SEMA5B: variants seen among roughly 807,000 people sequenced by gnomAD.
SEMA5B encodes the protein semaphorin-5B.
A neutral mutation model predicts 135.0 loss-of-function variants in SEMA5B; 66 were observed. The ratio of observed to expected loss-of-function variants is 0.49; its 90% CI spans 0.40 to 0.60. SEMA5B has a LOEUF of 0.60. Ranked by LOEUF, SEMA5B falls within the 20% of genes least tolerant of loss-of-function variation. The pLI, the probability that SEMA5B is intolerant of heterozygous loss-of-function variation, is 0.00. For missense variants in SEMA5B, 1,501 were observed against 1,566.3 expected (o/e 0.96, Z 0.70); for synonymous variants, 690 against 639.5 (o/e 1.08, Z -1.19).
chr3:122,924,331 A>G (rs1003121699), intron 9 of SEMA5B, among the ~76,000 whole-genome samples: 4 of 151,888 alleles, frequency 2.6e-5, no homozygotes, highest in Non-Finnish European at 4.4e-5. Flanking sequence ...ACCATACCAA[A>G]CGCCTCCAGT....
At chr3:122,931,679 T>C (rs1314247716) in intron 5 of SEMA5B, among the ~76,000 whole-genome samples, 1 of 152,218 alleles carries the variant, frequency 6.6e-6, no homozygotes, top group African/African-American at 2.4e-5. Flanking sequence ...TGTTTGTCTG[T>C]TTAGAGAATC....
At chr3:122,962,325 C>T (rs1279514202) in intron 1 of SEMA5B, among the ~76,000 whole-genome samples, 4 of 152,208 alleles carry the variant, frequency 2.6e-5, no homozygotes, top group Non-Finnish European at 5.9e-5. Flanking sequence ...AAATGGATCC[C>T]GGCCAGTCAT....
chr3:122,925,064 T>C, intron 9 of SEMA5B, among the ~76,000 whole-genome samples: 1 of 152,172 alleles, frequency 6.6e-6, no homozygotes, highest in Non-Finnish European at 1.5e-5. Flanking sequence ...TTTCGATGCC[T>C]CTCCACCTAC....
chr3:122,978,222 T>C (rs1576385299), intron 1 of SEMA5B, among the ~76,000 whole-genome samples: 1 of 152,194 alleles, frequency 6.6e-6, no homozygotes, highest in African/African-American at 2.4e-5. Flanking sequence ...AGGGTGCCCT[T>C]CTCTGTCCCA....
At chr3:122,962,000 GTGGACCACAGC>G (rs1266769514) in intron 1 of SEMA5B, among the ~76,000 whole-genome samples, 1 of 152,104 alleles carries the variant, frequency 6.6e-6, no homozygotes, top group Non-Finnish European at 1.5e-5. Flanking sequence ...TGCCTCTCCC[GTGGACCACAGC>G]TGGGCAAGGT....
At chr3:122,936,175 T>C (rs1378018615) in intron 5 of SEMA5B, among the ~76,000 whole-genome samples, 1 of 152,220 alleles carries the variant, frequency 6.6e-6, no homozygotes, top group Admixed American at 6.5e-5. Context: ...AAACAAGGGC[T>C]GTCCCAGAAA....
intron 1 of SEMA5B, among the ~76,000 whole-genome samples, chr3:122,974,087 C>A (rs1229730571): frequency 2.0e-5 from 3 of 151,974 alleles, no homozygotes; most frequent in Non-Finnish European, 2.9e-5. Flanking sequence ...GGAGAGAGAG[C>A]CCAGGCACAC....
At chr3:122,952,215 C>T (rs749415220) in intron 2 of SEMA5B, among the ~76,000 whole-genome samples, 3 of 152,132 alleles carry the variant, frequency 2.0e-5, no homozygotes, top group Non-Finnish European at 2.9e-5. Flanking sequence ...TTTTTCACAC[C>T]GTCACTCACA....
At chr3:122,976,713 T>G (rs2107665583) in intron 1 of SEMA5B, among the ~76,000 whole-genome samples, 1 of 152,314 alleles carries the variant, frequency 6.6e-6, no homozygotes. Flanking sequence ...CAAAGTAAGT[T>G]GCAGACATCA....
intron 2 of SEMA5B, among the ~76,000 whole-genome samples, chr3:122,952,023 C>T (rs779987721): frequency 4.4e-4 from 67 of 152,190 alleles, no homozygotes; most frequent in Non-Finnish European, 8.5e-4. Flanking sequence ...GACCCCTTCT[C>T]CCCCCACTCC....
intron 4 of SEMA5B, 47 bp downstream of exon 4, chr3:122,943,389 C>T (rs1438521656): frequency 8.9e-6 from 12 of 1,345,172 alleles, no homozygotes; most frequent in African/African-American, 1.4e-5. Context: ...CTCTACCCAG[C>T]TCCAAGCCCC....
Position 122,961,188 on chromosome 3 carries a change from G to A in SEMA5B, c.76C>T (p.Leu26=), listed in dbSNP as rs1041276513. The change falls in exon 2 of 23, where the codon CTA becomes TTA. Residue 26 remains leucine, a synonymous_variant. Coordinates refer to ENST00000357599, the MANE Select transcript of SEMA5B (RefSeq NM_001031702.4). ...CCCCCTACTGTCCATCCACACCTTA[G>A]CTGTTGGGCTGGGGTATCAGGCGGC... The part of the protein sequence containing the change: ...PGPPDTPAQQ[L]RCGWTVGGWL... 6.2e-7 allele frequency: 1 copy of A among 1,613,844 alleles called. No homozygotes were observed. The highest frequency in any genetic ancestry group is 8.5e-7 in the Non-Finnish European group (1 of 1,179,848).
At chr3:122,926,237 G>C (rs931245554) in intron 9 of SEMA5B, among the ~76,000 whole-genome samples, 155 bp downstream of exon 9, 1 of 152,214 alleles carries the variant, frequency 6.6e-6, no homozygotes, top group Non-Finnish European at 1.5e-5. Flanking sequence ...CAGAACACGA[G>C]CTTACCGCTC....
At chr3:122,911,317 C>A in intron 21 of SEMA5B, 174 bp downstream of exon 21, 1 of 1,512,538 alleles carries the variant, frequency 6.6e-7, no homozygotes, top group Non-Finnish European at 8.9e-7. Context: ...GGCCTCCTAG[C>A]TGGGGGGGGC....
intron 4 of SEMA5B, 108 bp downstream of exon 4, chr3:122,943,328 G>T: frequency 1.4e-6 from 1 of 719,406 alleles, no homozygotes; most frequent in South Asian, 1.8e-5. Context: ...CAGAGAGGAT[G>T]GGGCCCAGCA....
In SEMA5B at chr3:122,947,200, C is replaced by T. The variant is rs545584702; in HGVS notation, c.328+1306G>A. Among the ~76,000 whole-genome samples, 11 of 152,284 alleles carry T rather than the reference C, an allele frequency of 7.2e-5. No individual in the cohort carries two copies. In the East Asian group the frequency reaches 1.9e-3, roughly 27 times the overall value. ...TCTTCAGTGACAGCCACCAGCACTCCAGGAGCCATCAGAAGTCTGAGGGTG... is the reference window on the plus strand; with the variant it reads ...TCTTCAGTGACAGCCACCAGCACTCTAGGAGCCATCAGAAGTCTGAGGGTG... On this transcript the variant is annotated intron_variant, in intron 3 of 22. Coordinates refer to ENST00000357599, the MANE Select transcript of SEMA5B (RefSeq NM_001031702.4).
At chr3:122,983,634 C>T (rs980004614) in intron 1 of SEMA5B, among the ~76,000 whole-genome samples, 3 of 134,514 alleles carry the variant, frequency 2.2e-5, no homozygotes, top group Non-Finnish European at 3.1e-5. Flanking sequence ...AGGAGAATGG[C>T]GTGAACCCGG....
chr3:122,921,929 G>A lies in SEMA5B; in HGVS notation c.1674C>T (p.Ala558=), dbSNP rs1193543536. Residue 558 remains alanine, a synonymous_variant, in exon 12 of 23, where the codon GCC becomes GCT. Transcript: ENST00000357599. Reference sequence around the variant, plus strand: ...TCCCGGCTTACCCCTGGCTGCGGTAGGCGGCGCACCTCTCCAGTGGGACCC... The same window carrying A: ...TCCCGGCTTACCCCTGGCTGCGGTAAGCGGCGCACCTCTCCAGTGGGACCC... ...VLRVPLERCA[A]YRSQGACLGA... The A allele has an allele frequency of 6.5e-7, 1 of 1,533,634 alleles. No individual in the cohort carries two copies. The highest frequency in any genetic ancestry group is 8.7e-7 in the Non-Finnish European group (1 of 1,145,254).
At chr3:123,012,959 G>A (rs1163355006) in intron 1 of SEMA5B, among the ~76,000 whole-genome samples, 1 of 152,232 alleles carries the variant, frequency 6.6e-6, no homozygotes, top group Non-Finnish European at 1.5e-5. Flanking sequence ...GAGACAGACA[G>A]AGCCTTGAGT....
Sources: gnomAD v4.1 joint callset for allele counts (sites outside exome capture counted in the v4.1 genomes callset) on GRCh38, gnomAD v4.1.1 for gene constraint, MANE v1.5 for transcripts, NCBI Gene and HGNC (gene_info 2026-07-23, HGNC 2026-07-21) for gene names.